The following DOCK2 variants were observed in gnomAD, a reference collection of about 807,000 sequenced individuals.
DOCK2 encodes the protein dedicator of cytokinesis protein 2.
DOCK2 carries 87 observed loss-of-function variants against 248.9 expected under a neutral mutation model. The observed-to-expected ratio is 0.35, with a 90% CI of 0.29 to 0.42. DOCK2 has a LOEUF of 0.42. Among genes scored for constraint, DOCK2 ranks in the 10% least tolerant of loss-of-function variants. The probability of loss-of-function intolerance (pLI) is 1.00; values close to 1 mark genes in which losing one functional copy is unlikely to be tolerated. For missense variants in DOCK2, 1,747 were observed against 2,300.2 expected (o/e 0.76, Z 4.92); for synonymous variants, 805 against 821.6 (o/e 0.98, Z 0.35).
Position 169,718,760 on chromosome 5 carries a change from T to C in DOCK2, c.2236T>C (p.Phe746Leu). ...TLKALEYVFK[F>L]IVRSRTLFSQ... ...GAAGGCTTTGGAATATGTGTTCAAGTTCATTGTTCGGTCGAGGACATTATT... is the reference window on the plus strand; with the variant it reads ...GAAGGCTTTGGAATATGTGTTCAAGCTCATTGTTCGGTCGAGGACATTATT... The change falls in exon 22 of 52, where the codon TTC (phenylalanine) becomes CTC (leucine). Residue 746 changes from phenylalanine (F) to leucine (L), a missense_variant. By Grantham distance (22) the Phe-to-Leu change is conservative. Coordinates refer to ENST00000520908, the MANE Select transcript of DOCK2 (RefSeq NM_004946.3). 6.2e-7 allele frequency: 1 copy of C among 1,613,782 alleles called. No homozygotes were observed. Among genetic ancestry groups the C allele is most frequent in the South Asian group, 1.1e-5 (1 of 91,060 alleles).
At chr5:169,647,208 G>C (rs879487855) in intron 1 of DOCK2, among the ~76,000 whole-genome samples, 1 of 152,202 alleles carries the variant, frequency 6.6e-6, no homozygotes, top group Admixed American at 6.5e-5. Flanking sequence ...CATGTCTGTT[G>C]TTCTTCTTCA....
intron 23 of DOCK2, among the ~76,000 whole-genome samples, chr5:169,754,357 C>A (rs572253877): frequency 6.6e-6 from 1 of 152,292 alleles, no homozygotes; most frequent in East Asian, 1.9e-4. Context: ...GGGTTTGATT[C>A]TCTTCTTGAG....
chr5:169,693,761 A>G (rs1231507487), intron 9 of DOCK2, among the ~76,000 whole-genome samples: 1 of 152,142 alleles, frequency 6.6e-6, no homozygotes, highest in Non-Finnish European at 1.5e-5. Context: ...AACAGAACCC[A>G]TGGAATATAA....
In DOCK2 at chr5:170,083,067, G is replaced by A. The variant is rs902498056; in HGVS notation, c.*209G>A. 3.3e-6 allele frequency: 2 copies of A among 598,940 alleles called. No homozygotes were observed. The highest frequency in any genetic ancestry group is 5.8e-6 in the Non-Finnish European group (2 of 344,716). 37.1% of individuals were successfully genotyped at this position (598,940 alleles called of 1,614,324 possible). A position where few individuals can be genotyped will look rare whatever the true frequency, so the allele number is the denominator to read the frequency against. ...TGGGGCTGTGATCATGGTGGATGAG[G>A]AAGCCTCAACGTAGATTCCTGAACT... On this transcript the variant is annotated 3_prime_UTR_variant, in exon 52 of 52. Coordinates refer to ENST00000520908, the MANE Select transcript of DOCK2 (RefSeq NM_004946.3).
At chr5:169,898,821 G>A (rs541282840) in intron 27 of DOCK2, among the ~76,000 whole-genome samples, 2 of 152,184 alleles carry the variant, frequency 1.3e-5, no homozygotes, top group African/African-American at 2.4e-5. Flanking sequence ...CAAACAGGTA[G>A]CAGGCAAGAT....
At chr5:170,055,074 T>C (rs992115647) in intron 41 of DOCK2, among the ~76,000 whole-genome samples, 3 of 152,174 alleles carry the variant, frequency 2.0e-5, no homozygotes, top group Non-Finnish European at 4.4e-5. Flanking sequence ...TAGACAACTC[T>C]GTTTGTAGGG....
chr5:169,649,449 G>A (rs756992714), intron 1 of DOCK2, among the ~76,000 whole-genome samples: 10 of 152,138 alleles, frequency 6.6e-5, no homozygotes, highest in South Asian at 6.2e-4. Context: ...CATCCCTTCC[G>A]TCCAATGAGC....
intron 25 of DOCK2, among the ~76,000 whole-genome samples, chr5:169,790,322 G>T (rs1766252476): frequency 6.6e-6 from 1 of 152,150 alleles, no homozygotes; most frequent in South Asian, 2.1e-4. Context: ...ATATAGGATT[G>T]TTCATGTGTG....
At chr5:170,033,438 AC>A (rs1756214079) in intron 34 of DOCK2, among the ~76,000 whole-genome samples, 1 of 152,184 alleles carries the variant, frequency 6.6e-6, no homozygotes, top group Non-Finnish European at 1.5e-5. Flanking sequence ...CTATTTTCCC[AC>A]CTAAAGCCTT....
chr5:169,705,146 A>G, intron 14 of DOCK2, among the ~76,000 whole-genome samples: 1 of 152,100 alleles, frequency 6.6e-6, no homozygotes. Flanking sequence ...CTGGCCGACA[A>G]AGTGAGACCC....
At chr5:169,995,563 A>G (rs566700657) in intron 29 of DOCK2, among the ~76,000 whole-genome samples, 1 of 152,400 alleles carries the variant, frequency 6.6e-6, no homozygotes, top group Admixed American at 6.5e-5. Context: ...TTGGCCTGAA[A>G]GAAGTACACA....
intron 27 of DOCK2, among the ~76,000 whole-genome samples, chr5:169,920,360 C>T (rs1438174684): frequency 6.6e-6 from 1 of 152,156 alleles, no homozygotes; most frequent in Non-Finnish European, 1.5e-5. Flanking sequence ...ACTTTGATTT[C>T]AGAAACACCA....
intron 27 of DOCK2, chr5:169,883,671 G>A: frequency 1.3e-6 from 2 of 1,551,036 alleles, no homozygotes; most frequent in Non-Finnish European, 1.7e-6. Context: ...AGTAGGTGGG[G>A]GGAAGATGGT....
At chr5:170,038,416 G>T (rs1271339700) in intron 36 of DOCK2, among the ~76,000 whole-genome samples, 1 of 152,202 alleles carries the variant, frequency 6.6e-6, no homozygotes, top group Non-Finnish European at 1.5e-5. Context: ...AATCTGTTCT[G>T]TTTGGCAGGC....
intron 2 of DOCK2, among the ~76,000 whole-genome samples, chr5:169,658,701 G>T (rs923304829): frequency 6.6e-6 from 1 of 151,214 alleles, no homozygotes; most frequent in South Asian, 2.1e-4. Context: ...TTTCTGTTTA[G>T]TTTAAATTCT....
chr5:169,903,735 G>A lies in DOCK2; in HGVS notation c.2799+62883G>A, dbSNP rs138491262. Among the ~76,000 whole-genome samples the A allele has an allele frequency of 1.4e-3, 218 of 152,240 alleles. 4 individuals carry two copies. The South Asian group carries it at 0.036, about 25-fold the overall frequency. ...AAGAAGTAAGTTTGGAGAAAGGTGG[G>A]TGAGAGCTCGGTCACTGTAGCAGGA... On this transcript the variant is annotated intron_variant, in intron 27 of 51. Coordinates refer to ENST00000520908, the MANE Select transcript of DOCK2 (RefSeq NM_004946.3).
intron 27 of DOCK2, chr5:169,864,250 G>T (rs574779714): frequency 3.2e-6 from 5 of 1,547,520 alleles, no homozygotes; most frequent in African/African-American, 2.7e-5. Context: ...GAGTTGGGGG[G>T]CTGGGGGATG....
chr5:169,927,522 C>G (rs1775523460), intron 27 of DOCK2, among the ~76,000 whole-genome samples: 1 of 152,124 alleles, frequency 6.6e-6, no homozygotes, highest in Non-Finnish European at 1.5e-5. Context: ...ATTTGCAGGA[C>G]TTAGTAACTG....
chr5:169,693,591 T>C (rs1760431565), intron 9 of DOCK2, among the ~76,000 whole-genome samples: 1 of 152,108 alleles, frequency 6.6e-6, no homozygotes, highest in Admixed American at 6.6e-5. Context: ...TCCAACCATC[T>C]GGACGTGAAA....
Sources: allele counts gnomAD v4.1 joint callset (sites outside exome capture counted in the v4.1 genomes callset), GRCh38; gene constraint gnomAD v4.1.1; transcripts MANE v1.5; gene names NCBI Gene and HGNC (gene_info 2026-07-23, HGNC 2026-07-21).